The following ASIC2 variants were observed in gnomAD, a reference collection of about 807,000 sequenced individuals.
ASIC2 encodes acid-sensing ion channel 2.
ASIC2 carries 25 observed loss-of-function variants against 57.3 expected under a neutral mutation model. That is an observed-to-expected ratio of 0.44 (90% CI 0.32 to 0.61). ASIC2 has a LOEUF of 0.61. Among genes scored for constraint, ASIC2 ranks in the 20% least tolerant of loss-of-function variants. The probability of loss-of-function intolerance (pLI) is 0.06; values close to 1 mark genes in which losing one functional copy is unlikely to be tolerated. For synonymous variants in ASIC2, 319 were observed against 307.5 expected (o/e 1.04, Z -0.39); for missense variants, 641 against 738.1 (o/e 0.87, Z 1.52).
intron 1 of ASIC2, among the ~76,000 whole-genome samples, chr17:33,211,770 C>T (rs1907284288): frequency 6.6e-6 from 1 of 152,204 alleles, no homozygotes; most frequent in South Asian, 2.1e-4. Context: ...TCTGTTTGCA[C>T]AATTGGCTCT....
In ASIC2 at chr17:33,773,701, C is replaced by T. The variant is rs535798320; in HGVS notation, c.555+382277G>A. Among the ~76,000 whole-genome samples, 4 of 148,752 alleles carry T rather than the reference C, an allele frequency of 2.7e-5. No individual in the cohort carries two copies. The East Asian group carries it at 5.9e-4, about 22-fold the overall frequency. On this transcript the variant is annotated intron_variant, in intron 1 of 9. Coordinates refer to the ASIC2 transcript ENST00000359872. ...ACAGAGTCTCACTCTGTCCCTCAGG[C>T]TGGAGTGCAGTGGTGCAATCATGAC... is the stretch of plus-strand genomic sequence containing the variant.
chr17:33,017,077 G>A (rs564688930), intron 8 of ASIC2, among the ~76,000 whole-genome samples: 3 of 152,338 alleles, frequency 2.0e-5, no homozygotes, highest in South Asian at 2.1e-4. Flanking sequence ...CAGCCGGGGC[G>A]GCTGGCGTGC....
At chr17:33,024,517 A>G (rs1336222579) in intron 5 of ASIC2, among the ~76,000 whole-genome samples, 1 of 152,186 alleles carries the variant, frequency 6.6e-6, no homozygotes, top group Admixed American at 6.6e-5. Context: ...CTGCATCTGG[A>G]ACCCTTCCTG....
At chr17:33,138,614 C>T (rs573564807) in intron 1 of ASIC2, among the ~76,000 whole-genome samples, 78 of 152,296 alleles carry the variant, frequency 5.1e-4, no homozygotes, top group African/African-American at 1.8e-3. Flanking sequence ...CCCCTTCCTG[C>T]CCCACCTTCC....
chr17:33,696,851 C>T (rs531751274), intron 1 of ASIC2, among the ~76,000 whole-genome samples: 39 of 152,150 alleles, frequency 2.6e-4, no homozygotes, highest in African/African-American at 8.2e-4. Flanking sequence ...ATATATTTAC[C>T]ATTCATTAAG....
intron 1 of ASIC2, among the ~76,000 whole-genome samples, chr17:33,340,370 T>C (rs1420209056): frequency 6.6e-6 from 1 of 152,118 alleles, no homozygotes; most frequent in African/African-American, 2.4e-5. Flanking sequence ...GGGATGATAA[T>C]TATAATAAGG....
chr17:33,596,705 C>T (rs1904990168), intron 1 of ASIC2, among the ~76,000 whole-genome samples: 1 of 152,126 alleles, frequency 6.6e-6, no homozygotes, highest in East Asian at 1.9e-4. Context: ...TTCCTTCATC[C>T]TCTTCTCCTC....
chr17:34,015,084 T>C (rs1407281440), intron 1 of ASIC2, among the ~76,000 whole-genome samples: 3 of 150,786 alleles, frequency 2.0e-5, no homozygotes, highest in Non-Finnish European at 4.4e-5. Context: ...TTTTTTTTTT[T>C]TTTTTGTAGA....
At chr17:33,485,465 C>T (rs984015972) in intron 1 of ASIC2, among the ~76,000 whole-genome samples, 4 of 152,222 alleles carry the variant, frequency 2.6e-5, no homozygotes, top group African/African-American at 9.6e-5. Flanking sequence ...ATCCACTTAG[C>T]AATGTATACA....
intron 1 of ASIC2, among the ~76,000 whole-genome samples, chr17:34,033,759 T>C (rs369011734): frequency 1.3e-5 from 2 of 151,944 alleles, no homozygotes; most frequent in South Asian, 2.1e-4. Context: ...AACTAGAAAA[T>C]CTAGAAGAAA....
At chr17:33,137,859 C>T (rs2092372232) in intron 1 of ASIC2, among the ~76,000 whole-genome samples, 1 of 152,236 alleles carries the variant, frequency 6.6e-6, no homozygotes, top group Non-Finnish European at 1.5e-5. Flanking sequence ...GAGCCCTAAT[C>T]TATTTTTCAA....
At chr17:33,861,243 T>C (rs1431219506) in intron 1 of ASIC2, among the ~76,000 whole-genome samples, 1 of 152,192 alleles carries the variant, frequency 6.6e-6, no homozygotes, top group Non-Finnish European at 1.5e-5. Context: ...TAAAAGCCAG[T>C]ATAAGGAATT....
intron 1 of ASIC2, among the ~76,000 whole-genome samples, chr17:33,275,200 T>C (rs977625330): frequency 3.9e-5 from 6 of 152,178 alleles, no homozygotes; most frequent in African/African-American, 1.4e-4. Context: ...TACAAAATGG[T>C]AATTTCTCTC....
chr17:33,674,041 A>G (rs1253066873), intron 1 of ASIC2, among the ~76,000 whole-genome samples: 5 of 151,972 alleles, frequency 3.3e-5, no homozygotes, highest in African/African-American at 9.7e-5. Flanking sequence ...CTATAGGCAC[A>G]TGCCACCAAG....
chr17:34,124,901 C>G (rs1300739123), intron 1 of ASIC2, among the ~76,000 whole-genome samples: 1 of 151,798 alleles, frequency 6.6e-6, no homozygotes, highest in Non-Finnish European at 1.5e-5. Context: ...TTTCAAGATA[C>G]AAATTTTGGG....
At chr17:33,991,957 G>A (rs996933945) in intron 1 of ASIC2, among the ~76,000 whole-genome samples, 1 of 152,154 alleles carries the variant, frequency 6.6e-6, no homozygotes, top group African/African-American at 2.4e-5. Flanking sequence ...AATAAAGGTT[G>A]TCCAGGAGGT....
At chr17:33,327,536 C>T (rs546502667) in intron 1 of ASIC2, among the ~76,000 whole-genome samples, 2 of 152,322 alleles carry the variant, frequency 1.3e-5, no homozygotes, top group East Asian at 3.9e-4. Flanking sequence ...ATGTACTCTG[C>T]ACTGCACTGG....
At chr17:33,974,817 G>A (rs776542475) in intron 1 of ASIC2, among the ~76,000 whole-genome samples, 4 of 152,034 alleles carry the variant, frequency 2.6e-5, no homozygotes, top group Admixed American at 6.6e-5. Flanking sequence ...AAGTCTACTC[G>A]AATGTCATCT....
intron 1 of ASIC2, among the ~76,000 whole-genome samples, chr17:33,126,370 A>C (rs1048781128): frequency 2.0e-5 from 3 of 152,196 alleles, no homozygotes; most frequent in African/African-American, 7.2e-5. Flanking sequence ...ATGGAAACGA[A>C]GTCCAGTCTC....
Sources: gnomAD v4.1 joint callset for allele counts (sites outside exome capture counted in the v4.1 genomes callset) on GRCh38, gnomAD v4.1.1 for gene constraint, MANE v1.5 for transcripts, NCBI Gene and HGNC (gene_info 2026-07-23, HGNC 2026-07-21) for gene names.